The following ATF2 variants were observed in gnomAD, a reference collection of about 807,000 sequenced individuals.
ATF2 encodes the protein cyclic AMP-dependent transcription factor ATF-2.
In ATF2, 24 loss-of-function variants were observed where a neutral mutation model predicts 60.6. The ratio of observed to expected loss-of-function variants is 0.40; its 90% CI spans 0.29 to 0.56. ATF2 has a LOEUF of 0.56. Among genes scored for constraint, ATF2 ranks in the 20% least tolerant of loss-of-function variants. The probability of loss-of-function intolerance (pLI) is 0.54; values close to 1 mark genes in which losing one functional copy is unlikely to be tolerated. For missense variants in ATF2, 433 were observed against 607.7 expected (o/e 0.71, Z 3.02); for synonymous variants, 206 against 215.4 (o/e 0.96, Z 0.38).
intron 12 of ATF2, among the ~76,000 whole-genome samples, chr2:175,083,716 A>C (rs1341295203): frequency 6.6e-6 from 1 of 152,166 alleles, no homozygotes; most frequent in Non-Finnish European, 1.5e-5. Flanking sequence ...CAACCTACAA[A>C]ATGGAAGAAA....
chr2:175,126,140 T>C (rs1048746350), intron 4 of ATF2, among the ~76,000 whole-genome samples: 1 of 152,218 alleles, frequency 6.6e-6, no homozygotes, highest in Non-Finnish European at 1.5e-5. Flanking sequence ...AATTCAATAG[T>C]AAATACTGAA....
At chr2:175,135,176 G>A (rs1048571234) in intron 3 of ATF2, among the ~76,000 whole-genome samples, 7 of 152,158 alleles carry the variant, frequency 4.6e-5, no homozygotes, top group African/African-American at 1.7e-4. Flanking sequence ...ATGGATCTGG[G>A]CAACTATCAT....
At position 175,164,126 on chromosome 2, in the gene ATF2, CAGTTTCAA is replaced by C. The variant is rs71407180; in HGVS notation, c.-143+3916_-143+3923del. On this transcript the variant is annotated intron_variant, in intron 1 of 13. Coordinates refer to ENST00000264110, the MANE Select transcript of ATF2 (RefSeq NM_001880.4). Reference sequence around the variant, plus strand: ...GCCTTAAAAGTGAAAATGAATACACCAGTTTCAAGGTTGTCAAAAAGTCTCAACAAATT... The same window carrying C: ...GCCTTAAAAGTGAAAATGAATACACCGGTTGTCAAAAAGTCTCAACAAATT... Among the ~76,000 whole-genome samples the C allele has an allele frequency of 1.3e-3, 194 of 149,136 alleles. 2 individuals are homozygous for C. Among genetic ancestry groups the C allele is most frequent in the South Asian group, 0.011 (50 of 4,742 alleles).
chr2:175,111,731 A>C (rs1220580742), intron 9 of ATF2, 77 bp from the exon 10 acceptor site: 16 of 1,224,312 alleles, frequency 1.3e-5, no homozygotes, highest in Non-Finnish European at 1.3e-5. Context: ...CTGTTGTAAT[A>C]ATTTGAGACT....
chr2:175,161,786 C>T (rs561915930), intron 1 of ATF2, among the ~76,000 whole-genome samples: 42 of 148,866 alleles, frequency 2.8e-4, no homozygotes, highest in Non-Finnish European at 5.6e-4. Flanking sequence ...TTTGAGACAC[C>T]GTCTCGCTCT....
At chr2:175,089,924 A>G (rs769969727) in intron 12 of ATF2, among the ~76,000 whole-genome samples, 3 of 152,084 alleles carry the variant, frequency 2.0e-5, no homozygotes, top group Non-Finnish European at 4.4e-5. Context: ...CTATACATTT[A>G]CCCATCTAAC....
In ATF2 at chr2:175,103,516, T is replaced by C. The variant is rs145481954; in HGVS notation, c.829-5923A>G. ...GGCATGCAGAGGCAGGTCAGAAGAATTCTGCTGAACATGAGGTTCCATGCA... is the reference window on the plus strand; with the variant it reads ...GGCATGCAGAGGCAGGTCAGAAGAACTCTGCTGAACATGAGGTTCCATGCA... On this transcript the variant is annotated intron_variant, in intron 10 of 13. Coordinates refer to ENST00000264110, the MANE Select transcript of ATF2 (RefSeq NM_001880.4). 6.0e-4 allele frequency among the ~76,000 whole-genome samples: 91 copies of C among 152,178 alleles called. 1 individual carries two copies. The highest frequency in any genetic ancestry group is 2.7e-3 in the Admixed American group (42 of 15,278).
At chr2:175,098,750 A>AGGT (rs1695110420) in intron 10 of ATF2, among the ~76,000 whole-genome samples, 1 of 152,198 alleles carries the variant, frequency 6.6e-6, no homozygotes, top group South Asian at 2.1e-4. Flanking sequence ...AAATAATACC[A>AGGT]GTACAAGTAT....
At chr2:175,111,168 T>C (rs1377367968) in intron 10 of ATF2, among the ~76,000 whole-genome samples, 1 of 152,224 alleles carries the variant, frequency 6.6e-6, no homozygotes, top group Non-Finnish European at 1.5e-5. Context: ...AATGGTTTTA[T>C]CATGTTTGCT....
intron 2 of ATF2, among the ~76,000 whole-genome samples, chr2:175,149,815 A>G (rs189988156): frequency 6.6e-6 from 1 of 152,198 alleles, no homozygotes; most frequent in Admixed American, 6.5e-5. Context: ...TTCCTCCCTT[A>G]TATCATCCAT....
At chr2:175,104,982 T>C (rs1695554249) in intron 10 of ATF2, among the ~76,000 whole-genome samples, 1 of 152,198 alleles carries the variant, frequency 6.6e-6, no homozygotes, top group Non-Finnish European at 1.5e-5. Context: ...TAATCTTAAG[T>C]AAGCTTCTAA....
intron 2 of ATF2, among the ~76,000 whole-genome samples, chr2:175,141,086 C>T (rs1373661404): frequency 1.7e-5 from 2 of 120,756 alleles, no homozygotes; most frequent in African/African-American, 3.2e-5. Context: ...TATATGTATA[C>T]ACACACACAC....
At chr2:175,123,648 A>G (rs542470088) in intron 4 of ATF2, among the ~76,000 whole-genome samples, 1 of 152,200 alleles carries the variant, frequency 6.6e-6, no homozygotes, top group African/African-American at 2.4e-5. Flanking sequence ...AGAAGTGGCC[A>G]GAAGCAACCT....
At chr2:175,085,557 C>T (rs1239653450) in intron 12 of ATF2, among the ~76,000 whole-genome samples, 1 of 21,218 alleles carries the variant, frequency 4.7e-5, no homozygotes, top group African/African-American at 8.9e-5. Context: ...ATAACATACA[C>T]ACACACACAC....
intron 8 of ATF2, chr2:175,114,388 A>G (rs1327959690): frequency 1.6e-6 from 2 of 1,252,784 alleles, no homozygotes; most frequent in Non-Finnish European, 2.0e-6. Context: ...GGGAGCTACC[A>G]GTAAGAACTG....
intron 13 of ATF2, among the ~76,000 whole-genome samples, chr2:175,076,463 T>C (rs1462426318): frequency 6.6e-6 from 1 of 152,126 alleles, no homozygotes; most frequent in African/African-American, 2.4e-5. Flanking sequence ...TACATGGGTA[T>C]ATTGTGCAAT....
chr2:175,150,650 A>AATGAAAC (rs149299596), intron 2 of ATF2, among the ~76,000 whole-genome samples: 14,247 of 152,106 alleles, frequency 0.094, 705 homozygotes, highest in Middle Eastern at 0.16. Context: ...ATTAGCTTGT[A>AATGAAAC]CGGCCCTAGA....
rs1438315912 is a variant in ATF2 at position 175,114,037 on chromosome 2, G to C, written c.698C>G (p.Ala233Gly). Reference sequence around the variant, plus strand: ...ATGCACATTAGAACTTGTAATTGATGCAGGAATAGCAACAGGCATGGTTTG... The same window carrying C: ...ATGCACATTAGAACTTGTAATTGATCCAGGAATAGCAACAGGCATGGTTTG... ...NGQTMPVAIP[A>G]SITSSNVHVP... Residue 233 changes from alanine to glycine, a missense_variant, in exon 9 of 14, where the codon GCA becomes GGA. This residue lies in a region of ATF2 where 246 missense variants were observed against 309.3 expected (regional missense o/e 0.80). Coordinates refer to ENST00000264110, the MANE Select transcript of ATF2 (RefSeq NM_001880.4). 46 of 1,612,846 alleles carry C rather than the reference G, an allele frequency of 2.9e-5. No homozygotes were observed. Among genetic ancestry groups the C allele is most frequent in the Non-Finnish European group, 3.9e-5 (46 of 1,179,696 alleles).
At position 175,117,992 on chromosome 2, in the gene ATF2, T is replaced by C. The variant is rs1444909690; in HGVS notation, c.445A>G (p.Lys149Glu). Residue 149 changes from lysine (K) to glutamate (E), a missense_variant and splice_region_variant, in exon 7 of 14, where the codon AAG becomes GAG. This residue lies in a region of ATF2 where 246 missense variants were observed against 309.3 expected (regional missense o/e 0.80). Coordinates refer to ENST00000264110, the MANE Select transcript of ATF2 (RefSeq NM_001880.4). ...PHPESTTSDE[K>E]EVPLAQTAQP... ...TTGTATTTCTAAAAATTTCTAACCT[T>C]CTCATCACTGGTAGTAGACTCTGGG... is the stretch of plus-strand genomic sequence containing the variant. 6.3e-7 allele frequency: 1 copy of C among 1,597,034 alleles called. No homozygotes were observed. Among genetic ancestry groups the C allele is most frequent in the East Asian group, 2.2e-5 (1 of 44,646 alleles).
Sources: allele counts gnomAD v4.1 joint callset (sites outside exome capture counted in the v4.1 genomes callset), GRCh38; gene constraint gnomAD v4.1.1; regional missense constraint gnomAD v4.1.1; transcripts MANE v1.5; gene names NCBI Gene and HGNC (gene_info 2026-07-23, HGNC 2026-07-21).